Variants in MCF2L2 observed in about 807,000 individuals in gnomAD.
MCF2L2 encodes MCF.2 cell line derived transforming sequence-like 2, also known as probable guanine nucleotide exchange factor MCF2L2.
In MCF2L2, 102 loss-of-function variants were observed where a neutral mutation model predicts 150.2. That is an observed-to-expected ratio of 0.68 (90% confidence interval 0.58 to 0.80). The LOEUF is 0.80. Among genes scored for constraint, MCF2L2 ranks in the 30% least tolerant of loss-of-function variants. The pLI, the probability that MCF2L2 is intolerant of heterozygous loss-of-function variation, is 0.00. For synonymous variants in MCF2L2, 465 were observed against 491.3 expected, an observed-to-expected ratio of 0.95 and a Z score of 0.71; for missense variants, 1,256 against 1,372.8, an observed-to-expected ratio of 0.91 and a Z score of 1.34.
At chr3:183,395,193 G>A (rs1013339917) in intron 1 of MCF2L2, among the ~76,000 whole-genome samples, 1 of 152,156 alleles carries the variant, frequency 6.6e-6, no homozygotes, top group Non-Finnish European at 1.5e-5. Flanking sequence ...AACTTTATAT[G>A]TAATGGCATA....
At chr3:183,352,806 C>T (rs375347755) in intron 3 of MCF2L2, among the ~76,000 whole-genome samples, 8 of 152,064 alleles carry the variant, frequency 5.3e-5, no homozygotes, top group African/African-American at 1.9e-4. Context: ...AATGACTGAA[C>T]TATTTGGTTA....
intron 5 of MCF2L2, among the ~76,000 whole-genome samples, chr3:183,333,817 C>A: frequency 6.6e-6 from 1 of 152,144 alleles, no homozygotes; most frequent in Non-Finnish European, 1.5e-5. Context: ...AATAGCACAT[C>A]TTGCATCCAG....
intron 25 of MCF2L2, among the ~76,000 whole-genome samples, chr3:183,205,446 G>C (rs1347909412): frequency 6.6e-6 from 1 of 152,152 alleles, no homozygotes; most frequent in Non-Finnish European, 1.5e-5. Context: ...GATGGTTATT[G>C]AGCCTTGTGA....
intron 3 of MCF2L2, among the ~76,000 whole-genome samples, chr3:183,351,238 T>TA (rs1560035100): frequency 1.6e-3 from 90 of 57,530 alleles, no homozygotes; most frequent in Non-Finnish European, 2.4e-3. Context: ...ATATATATAT[T>TA]TATTTATTTA....
rs925314096 is a variant in MCF2L2, at chr3:183,267,929, C to G, written c.1862+8943G>C. 6.6e-6 allele frequency among the ~76,000 whole-genome samples: 1 copy of G among 152,196 alleles called. No individual in the cohort carries two copies. The highest frequency in any genetic ancestry group is 1.5e-5 in the Non-Finnish European group (1 of 68,038). The stretch of plus-strand genomic sequence containing the variant: ...TGCACCAACATTTGGGGAATGCCTA[C>G]CAGGGGTCACACACTGAGCTGGATG... On this transcript the variant is annotated intron_variant, in intron 15 of 29. Transcript: ENST00000328913. This position sits in a 1 kb window ranked among gnomAD's most constrained non-coding sequence, Gnocchi z 5.5.
At chr3:183,311,379 G>A (rs1729369733) in intron 8 of MCF2L2, among the ~76,000 whole-genome samples, 1 of 152,140 alleles carries the variant, frequency 6.6e-6, no homozygotes, top group Non-Finnish European at 1.5e-5. Context: ...TGGAAATGAA[G>A]CCCAGTAAAT....
Position 183,233,167 on chromosome 3 carries a change from A to G in MCF2L2, c.1863-2150T>C, listed in dbSNP as rs527306280. Among the ~76,000 whole-genome samples the G allele has an allele frequency of 1.4e-4, 22 of 152,286 alleles. No homozygotes were observed. The South Asian group carries it at 4.6e-3, about 32-fold the overall frequency. ...GGAAATCGAGACCAGCCTGGCCAAC[A>G]TGGTGAAACCCTGTGTCTACTAAAA... On this transcript the variant is annotated intron_variant, in intron 15 of 29. Transcript: ENST00000328913.
At chr3:183,271,054 C>T (rs1726729416) in intron 15 of MCF2L2, 1 of 928,276 alleles carries the variant, frequency 1.1e-6, no homozygotes. Context: ...TTTTGAAAGC[C>T]TAGTCCATCA....
chr3:183,234,117 C>T (rs1439710253), intron 15 of MCF2L2, among the ~76,000 whole-genome samples: 1 of 152,108 alleles, frequency 6.6e-6, no homozygotes, highest in Non-Finnish European at 1.5e-5. Context: ...AAGTACAGGC[C>T]TCAATACCAA....
intron 5 of MCF2L2, among the ~76,000 whole-genome samples, chr3:183,336,801 A>T (rs1730499498): frequency 6.6e-6 from 1 of 151,782 alleles, no homozygotes; most frequent in South Asian, 2.1e-4. Flanking sequence ...GGTTGCAGTG[A>T]GCCAAGATTG....
intron 15 of MCF2L2, among the ~76,000 whole-genome samples, chr3:183,262,884 C>G (rs1725751953): frequency 6.6e-6 from 1 of 152,036 alleles, no homozygotes. Flanking sequence ...AGTCCCATTT[C>G]CCCAGCAGCC....
intron 3 of MCF2L2, among the ~76,000 whole-genome samples, chr3:183,348,190 G>A (rs1730974423): frequency 6.6e-6 from 1 of 152,078 alleles, no homozygotes; most frequent in African/African-American, 2.4e-5. Flanking sequence ...AAAAAATGTG[G>A]TTCATATACA....
chr3:183,352,535 C>T (rs998062902), intron 3 of MCF2L2, among the ~76,000 whole-genome samples: 5 of 152,078 alleles, frequency 3.3e-5, no homozygotes, highest in Non-Finnish European at 2.9e-5. Flanking sequence ...AAAAAAAGAA[C>T]GGACTAAAGG....
chr3:183,276,409 T>A (rs186181999), intron 15 of MCF2L2, among the ~76,000 whole-genome samples: 670 of 152,328 alleles, frequency 4.4e-3, no homozygotes, highest in African/African-American at 0.016. Context: ...AATATTTTTT[T>A]AAAATAAATT....
At chr3:183,255,675 A>G (rs1724976471) in intron 15 of MCF2L2, among the ~76,000 whole-genome samples, 3 of 152,220 alleles carry the variant, frequency 2.0e-5, no homozygotes, top group Admixed American at 2.0e-4. Flanking sequence ...CTGCCCAGAG[A>G]AAACTCAGAA....
At chr3:183,332,782 A>G (rs1219635286) in intron 5 of MCF2L2, among the ~76,000 whole-genome samples, 1 of 152,202 alleles carries the variant, frequency 6.6e-6, no homozygotes, top group Non-Finnish European at 1.5e-5. Context: ...AGGAAAACTG[A>G]GCAAAGAACT....
rs185223824 is a variant in MCF2L2 at position 183,286,892 on chromosome 3, A to G, written c.1776+2228T>C. Among the ~76,000 whole-genome samples, 404 of 152,360 alleles carry G rather than the reference A, an allele frequency of 2.7e-3. 3 individuals carry two copies. The highest frequency in any genetic ancestry group is 8.9e-3 in the African/African-American group (369 of 41,566). On this transcript the variant is annotated intron_variant, in intron 14 of 29. Transcript: ENST00000328913. The stretch of plus-strand genomic sequence containing the variant: ...CGCAAACAAATCAACAATAAGGAAG[A>G]AAACAACTGAAGCACAGAAGGATGA...
Position 183,297,187 on chromosome 3 carries a change from C to G in MCF2L2, c.1306-20G>C, listed in dbSNP as rs765369541. On this transcript the variant is annotated intron_variant, in intron 11 of 29. Transcript: ENST00000328913. ...GCTGACCTTTTGGAAAGAAACAGTG[C>G]CCTGTGCACTTCGCCTGACCACAAC... The G allele has an allele frequency of 6.2e-7, 1 of 1,608,542 alleles. No homozygotes were observed. The highest frequency in any genetic ancestry group is 8.5e-7 in the Non-Finnish European group (1 of 1,176,322).
intron 1 of MCF2L2, among the ~76,000 whole-genome samples, chr3:183,408,935 C>G (rs1715181089): frequency 1.3e-5 from 2 of 152,214 alleles, no homozygotes; most frequent in African/African-American, 2.4e-5. Flanking sequence ...CATAGTGGTG[C>G]TGCCACCTTG....
Sources: gnomAD v4.1 joint callset for allele counts (sites outside exome capture counted in the v4.1 genomes callset) on GRCh38, gnomAD v4.1.1 for gene constraint, Gnocchi (gnomAD v3.1) non-coding constraint, MANE v1.5 for transcripts, NCBI Gene and HGNC (gene_info 2026-07-23, HGNC 2026-07-21) for gene names.